Variants in KLF2 observed in about 807,000 individuals in gnomAD.
KLF2 encodes KLF transcription factor 2.
Under a neutral mutation model 22.2 loss-of-function variants are expected in KLF2, and 9 were observed. The observed-to-expected ratio is 0.40, with a 90% CI of 0.24 to 0.71. The LOEUF (loss-of-function observed/expected upper bound fraction) is 0.71, where lower values mean the gene tolerates loss of function less well. Ranked by LOEUF, KLF2 falls within the 30% of genes least tolerant of loss-of-function variation. The probability of loss-of-function intolerance (pLI) is 0.35; values close to 1 mark genes in which losing one functional copy is unlikely to be tolerated. For synonymous variants in KLF2, 299 were observed against 264.2 expected (o/e 1.13, Z -1.28); for missense variants, 481 against 542.1 (o/e 0.89, Z 1.12).
rs1416551505 is a variant in KLF2 at position 16,327,804 on chromosome 19, G to GA, written c.*776dup. 6.6e-6 allele frequency: 1 copy of GA among 151,890 alleles called. No individual in the cohort carries two copies. Among genetic ancestry groups the GA allele is most frequent in the Non-Finnish European group, 1.5e-5 (1 of 68,008 alleles). The allele number at this position is 151,890 out of a possible 1,614,324, so 9.4% of individuals were successfully genotyped here. On this transcript the variant is annotated 3_prime_UTR_variant, in exon 3 of 3. Coordinates refer to ENST00000248071, the MANE Select transcript of KLF2 (RefSeq NM_016270.4). The stretch of plus-strand genomic sequence containing the variant: ...ATTGCCTCTTTGCCCCACAGCTGGG[G>GA]AAAGTGCTGGTCCCACTGACGTGGC...
At position 16,327,005 on chromosome 19, in the gene KLF2, G is replaced by T; in HGVS notation, c.1042G>T (p.Ala348Ser). The change falls in exon 3 of 3, where the codon GCG becomes TCG. Residue 348 changes from alanine to serine, a missense_variant. By Grantham distance (99) the Ala-to-Ser change is moderately conservative. Coordinates refer to ENST00000248071, the MANE Select transcript of KLF2 (RefSeq NM_016270.4). ...DRAFSRSDHL[A>S]LHMKRHM ...TGCCTTCTCGCGCTCCGATCACCTGGCGCTGCACATGAAACGGCACATGTA... is the reference window on the plus strand; with the variant it reads ...TGCCTTCTCGCGCTCCGATCACCTGTCGCTGCACATGAAACGGCACATGTA... 1 of 1,608,898 alleles carries T rather than the reference G, an allele frequency of 6.2e-7. No individual in the cohort carries two copies.
At position 16,324,862 on chromosome 19, in the gene KLF2, C is replaced by G; in HGVS notation, c.-62C>G. On this transcript the variant is annotated 5_prime_UTR_variant, in exon 1 of 3. Transcript: ENST00000248071. Reference sequence around the variant, plus strand: ...CCCGCCCGCCCGCGCCCCGACCAGCCCGGCCTCGGGCAGCCACTCACCGGT... The same window carrying G: ...CCCGCCCGCCCGCGCCCCGACCAGCGCGGCCTCGGGCAGCCACTCACCGGT... 2.8e-6 allele frequency: 4 copies of G among 1,436,984 alleles called. No individual in the cohort carries two copies. The highest frequency in any genetic ancestry group is 3.8e-6 in the Non-Finnish European group (4 of 1,051,794). 89.0% of individuals were successfully genotyped at this position (1,436,984 alleles called of 1,614,324 possible). A position where few individuals can be genotyped will look rare whatever the true frequency, so the allele number is the denominator to read the frequency against.
intron 2 of KLF2, among the ~76,000 whole-genome samples, 179 bp from the exon 3 acceptor site, chr19:16,326,677 G>A (rs781402926): frequency 1.3e-5 from 2 of 152,012 alleles, no homozygotes; most frequent in South Asian, 2.1e-4. Context: ...CCCCCTGGGG[G>A]TGAGGATCCG....
chr19:16,325,528 G>T lies in KLF2; in HGVS notation c.388G>T (p.Gly130Cys). ...LVKAEPPEAD[G>C]GGGYGCAPGL... ...CAAGGCCGAGCCCCCTGAAGCGGAC[G>T]GCGGCGGCGGCTACGGCTGCGCCCC... The change falls in exon 2 of 3, where the codon GGC becomes TGC. Residue 130 changes from glycine to cysteine, a missense_variant. Coordinates refer to ENST00000248071, the MANE Select transcript of KLF2 (RefSeq NM_016270.4). The T allele has an allele frequency of 8.0e-7, 1 of 1,255,424 alleles. No individual in the cohort carries two copies. Among genetic ancestry groups the T allele is most frequent in the South Asian group, 2.5e-5 (1 of 39,372 alleles). 77.8% of individuals were successfully genotyped at this position (1,255,424 alleles called of 1,614,324 possible). A position where few individuals can be genotyped will look rare whatever the true frequency, so the allele number is the denominator to read the frequency against.
At position 16,326,995 on chromosome 19, in the gene KLF2, C is replaced by G. The variant is rs149231822; in HGVS notation, c.1032C>G (p.Ser344=). ...TGTGCGATCGTGCCTTCTCGCGCTC[C>G]GATCACCTGGCGCTGCACATGAAAC... ...CHLCDRAFSR[S]DHLALHMKRH... is the part of the protein sequence containing the mutation. Residue 344 remains serine, a synonymous_variant, in exon 3 of 3, where the codon TCC becomes TCG. Coordinates refer to ENST00000248071, the MANE Select transcript of KLF2 (RefSeq NM_016270.4). The G allele has an allele frequency of 1.2e-6, 2 of 1,611,382 alleles. No individual in the cohort carries two copies.
rs1425441833 is a variant in KLF2 at position 16,327,043 on chromosome 19, C to A, written c.*12C>A. On this transcript the variant is annotated 3_prime_UTR_variant, in exon 3 of 3. Transcript: ENST00000248071. Reference sequence around the variant, plus strand: ...AACGGCACATGTAGCCGGGACGCCCCCGCCCACCTGCGCGCGGCCGTGGCG... The same window carrying A: ...AACGGCACATGTAGCCGGGACGCCCACGCCCACCTGCGCGCGGCCGTGGCG... 3.2e-6 allele frequency: 5 copies of A among 1,562,680 alleles called. No homozygotes were observed. The highest frequency in any genetic ancestry group is 1.4e-5 in the African/African-American group (1 of 73,964).
In KLF2 at chr19:16,325,638, C is replaced by T; in HGVS notation, c.498C>T (p.Arg166=). ...AASCMRGPGG[R]PPPPPDTPPL... is the part of the protein sequence containing the mutation. ...CGTGCATGCGAGGTCCCGGGGGCCG[C>T]CCCCCGCCGCCGCCCGACACACCGC... The change falls in exon 2 of 3, where the codon CGC becomes CGT. Residue 166 remains arginine, a synonymous_variant. Coordinates refer to ENST00000248071, the MANE Select transcript of KLF2 (RefSeq NM_016270.4). The T allele has an allele frequency of 8.4e-6, 9 of 1,069,936 alleles. No individual in the cohort carries two copies. Among genetic ancestry groups the T allele is most frequent in the Non-Finnish European group, 1.0e-5 (9 of 888,692 alleles). The allele number at this position is 1,069,936 out of a possible 1,614,324, so 66.3% of individuals were successfully genotyped here.
At position 16,325,830 on chromosome 19, in the gene KLF2, A is replaced by G; in HGVS notation, c.690A>G (p.Ala230=). 7.3e-7 allele frequency: 1 copy of G among 1,364,028 alleles called. No individual in the cohort carries two copies. The highest frequency in any genetic ancestry group is 9.4e-7 in the Non-Finnish European group (1 of 1,067,536). 84.5% of individuals were successfully genotyped at this position (1,364,028 alleles called of 1,614,324 possible). The change falls in exon 2 of 3, where the codon GCA becomes GCG. Residue 230 remains alanine, a synonymous_variant. Coordinates refer to ENST00000248071, the MANE Select transcript of KLF2 (RefSeq NM_016270.4). ...TCGACGACGCGGCCGCCGCCGCGGC[A>G]GCCCTGGGCCTGGCGCCCCCCGCCG... ...GLFDDAAAAA[A]ALGLAPPAAR...
At position 16,325,391 on chromosome 19, in the gene KLF2, A is replaced by T; in HGVS notation, c.251A>T (p.Tyr84Phe). The T allele has an allele frequency of 7.0e-7, 1 of 1,422,004 alleles. No homozygotes were observed. Among genetic ancestry groups the T allele is most frequent in the East Asian group, 3.0e-5 (1 of 33,844 alleles). The allele number at this position is 1,422,004 out of a possible 1,614,324, so 88.1% of individuals were successfully genotyped here. A position where few individuals can be genotyped will look rare whatever the true frequency, so the allele number is the denominator to read the frequency against. ...YYPEPGAPPP[Y>F]SAPAGGLVSE... ...CCCGAACCCGGCGCGCCCCCGCCCT[A>T]CAGCGCCCCCGCGGGTGGCCTGGTG... The change falls in exon 2 of 3, where the codon TAC becomes TTC. Residue 84 changes from tyrosine (Y) to phenylalanine (F), a missense_variant. This residue lies in a region of KLF2 where 421 missense variants were observed against 435.1 expected (regional missense o/e 0.97). Transcript: ENST00000248071.
rs1194309500 is a variant in KLF2 at position 16,325,333 on chromosome 19, C to T, written c.193C>T (p.Pro65Ser). 6.8e-7 allele frequency: 1 copy of T among 1,473,168 alleles called. No homozygotes were observed. Among genetic ancestry groups the T allele is most frequent in the Non-Finnish European group, 8.9e-7 (1 of 1,119,500 alleles). 91.3% of individuals were successfully genotyped at this position (1,473,168 alleles called of 1,614,324 possible). The change falls in exon 2 of 3, where the codon CCG becomes TCG. Residue 65 changes from proline to serine, a missense_variant. Pro to Ser is a moderately conservative substitution (Grantham distance 74, BLOSUM62 -1). This residue lies in a region of KLF2 where 421 missense variants were observed against 435.1 expected (regional missense o/e 0.97). Coordinates refer to ENST00000248071, the MANE Select transcript of KLF2 (RefSeq NM_016270.4). ...GLGAEAAPEP[P>S]PPPPPPAFYY... ...GGGCGCCGAGGCCGCCCCGGAGCCG[C>T]CGCCGCCGCCCCCGCCGCCTGCGTT...
chr19:16,324,831 G>C lies in KLF2; in HGVS notation c.-93G>C. 9.1e-7 allele frequency: 1 copy of C among 1,096,234 alleles called. No individual in the cohort carries two copies. The highest frequency in any genetic ancestry group is 1.3e-6 in the Non-Finnish European group (1 of 776,560). The allele number at this position is 1,096,234 out of a possible 1,614,324, so 67.9% of individuals were successfully genotyped here. A position where few individuals can be genotyped will look rare whatever the true frequency, so the allele number is the denominator to read the frequency against. ...GGCGGGCCCGGCCGCGGCCCACAGA[G>C]CCGTCCCCGCCCGCCCGCGCCCCGA... On this transcript the variant is annotated 5_prime_UTR_variant, in exon 1 of 3. Transcript: ENST00000248071.
rs1363503907 is a variant in KLF2 at position 16,325,436 on chromosome 19, A to G, written c.296A>G (p.Glu99Gly). Residue 99 changes from glutamate to glycine, a missense_variant, in exon 2 of 3, where the codon GAG becomes GGG. Transcript: ENST00000248071. Reference protein sequence around the residue: ...GGLVSELLRPELDAPLGPALH... With the variant: ...GGLVSELLRPGLDAPLGPALH... ...CTGGTGTCTGAGCTGCTGCGACCCG[A>G]GCTGGATGCGCCGCTGGGGCCCGCA... is the stretch of plus-strand genomic sequence containing the variant. The G allele has an allele frequency of 1.4e-6, 2 of 1,416,980 alleles. No individual in the cohort carries two copies. The highest frequency in any genetic ancestry group is 2.4e-4 in the Middle Eastern group (1 of 4,122). 87.8% of individuals were successfully genotyped at this position (1,416,980 alleles called of 1,614,324 possible). A position where few individuals can be genotyped will look rare whatever the true frequency, so the allele number is the denominator to read the frequency against.
Position 16,325,427 on chromosome 19 carries a change from T to C in KLF2, c.287T>C (p.Leu96Pro). 7.0e-7 allele frequency: 1 copy of C among 1,422,262 alleles called. No homozygotes were observed. Among genetic ancestry groups the C allele is most frequent in the South Asian group, 1.5e-5 (1 of 68,840 alleles). 88.1% of individuals were successfully genotyped at this position (1,422,262 alleles called of 1,614,324 possible). Reference protein sequence around the residue: ...APAGGLVSELLRPELDAPLGP... With the variant: ...APAGGLVSELPRPELDAPLGP... Reference sequence around the variant, plus strand: ...GCGGGTGGCCTGGTGTCTGAGCTGCTGCGACCCGAGCTGGATGCGCCGCTG... The same window carrying C: ...GCGGGTGGCCTGGTGTCTGAGCTGCCGCGACCCGAGCTGGATGCGCCGCTG... The change falls in exon 2 of 3, where the codon CTG (leucine) becomes CCG (proline). Residue 96 changes from leucine (L) to proline (P), a missense_variant. Physicochemically the swap from Leu to Pro is moderately conservative, Grantham distance 98. Coordinates refer to ENST00000248071, the MANE Select transcript of KLF2 (RefSeq NM_016270.4).
chr19:16,326,777 A>C lies in KLF2; in HGVS notation c.893-79A>C, dbSNP rs1033943832. 3 of 1,416,420 alleles carry C rather than the reference A, an allele frequency of 2.1e-6. No homozygotes were observed. In the African/African-American group the frequency reaches 4.2e-5, roughly 20 times the overall value. The allele number at this position is 1,416,420 out of a possible 1,614,324, so 87.7% of individuals were successfully genotyped here. On this transcript the variant is annotated intron_variant, in intron 2 of 2. Transcript: ENST00000248071. ...GCGCGTCAAGGCCCTGGTTAGGGATAGGTTGCGCTCGCCGGGGTAGCCATA... is the reference window on the plus strand; with the variant it reads ...GCGCGTCAAGGCCCTGGTTAGGGATCGGTTGCGCTCGCCGGGGTAGCCATA...
At position 16,325,679 on chromosome 19, in the gene KLF2, GC is replaced by G; in HGVS notation, c.543del (p.Ala182ArgfsTer108). Reference protein sequence around the residue: ...PPDTPPLSPDGPARLPAPGPR... With the variant: ...PPDTPPLSPDXPARLPAPGPR... ...GACACACCGCCGCTCAGCCCCGACG[GC>G]CCCGCGCGCCTGCCCGCGCCCGGTC... On this transcript the variant is annotated frameshift_variant, in exon 2 of 3. Coordinates refer to ENST00000248071, the MANE Select transcript of KLF2 (RefSeq NM_016270.4). LOFTEE classifies it high-confidence loss of function. 1 of 1,097,418 alleles carries G rather than the reference GC, an allele frequency of 9.1e-7. No individual in the cohort carries two copies. Among genetic ancestry groups the G allele is most frequent in the Non-Finnish European group, 1.1e-6 (1 of 906,880 alleles). The allele number at this position is 1,097,418 out of a possible 1,614,324, so 68.0% of individuals were successfully genotyped here.
chr19:16,324,864 G>C lies in KLF2; in HGVS notation c.-60G>C. ...CGCCCGCCCGCGCCCCGACCAGCCC[G>C]GCCTCGGGCAGCCACTCACCGGTGT... On this transcript the variant is annotated 5_prime_UTR_variant, in exon 1 of 3. Coordinates refer to ENST00000248071, the MANE Select transcript of KLF2 (RefSeq NM_016270.4). 7.1e-7 allele frequency: 1 copy of C among 1,407,474 alleles called. No individual in the cohort carries two copies. Among genetic ancestry groups the C allele is most frequent in the Non-Finnish European group, 9.7e-7 (1 of 1,030,634 alleles). 87.2% of individuals were successfully genotyped at this position (1,407,474 alleles called of 1,614,324 possible).
At chr19:16,325,068 T>C (rs2031645632) in intron 1 of KLF2, 70 bp downstream of exon 1, 1 of 1,406,638 alleles carries the variant, frequency 7.1e-7, no homozygotes, top group Non-Finnish European at 9.6e-7. Flanking sequence ...GAACGTGGGC[T>C]GCGGGGTGAC....
Position 16,326,867 on chromosome 19 carries a change from T to A in KLF2, c.904T>A (p.Tyr302Asn). ...CCCCCTCCCTGCAGGTGAGAAGCCC[T>A]ACCACTGCAACTGGGACGGCTGCGG... is the stretch of plus-strand genomic sequence containing the variant. ...HLRTHTGEKP[Y>N]HCNWDGCGWK... Residue 302 changes from tyrosine to asparagine, a missense_variant, in exon 3 of 3, where the codon TAC becomes AAC. Around this residue, in one of 2 missense-constraint regions of KLF2, gnomAD observed 60 missense variants for 107.0 expected, o/e 0.56. Coordinates refer to ENST00000248071, the MANE Select transcript of KLF2 (RefSeq NM_016270.4). 1 of 1,611,510 alleles carries A rather than the reference T, an allele frequency of 6.2e-7. No individual in the cohort carries two copies.
Position 16,325,117 on chromosome 19 carries a change from G to A in KLF2, c.76-99G>A, listed in dbSNP as rs570660621. The stretch of plus-strand genomic sequence containing the variant: ...GGGGACTGCAGACTCAGGAGAGGAG[G>A]ATGCGGGCCACGGGGATCGCGGACT... On this transcript the variant is annotated intron_variant, in intron 1 of 2. Transcript: ENST00000248071. The A allele has an allele frequency of 5.6e-5, 74 of 1,313,308 alleles. 1 individual carries two copies. Among genetic ancestry groups the A allele is most frequent in the Admixed American group, 4.7e-4 (19 of 40,672 alleles). 81.4% of individuals were successfully genotyped at this position (1,313,308 alleles called of 1,614,324 possible). A position where few individuals can be genotyped will look rare whatever the true frequency, so the allele number is the denominator to read the frequency against.
Sources: gnomAD v4.1 joint callset for allele counts (sites outside exome capture counted in the v4.1 genomes callset) on GRCh38, gnomAD v4.1.1 for gene constraint, gnomAD v4.1.1 regional missense constraint, MANE v1.5 for transcripts, NCBI Gene and HGNC (gene_info 2026-07-23, HGNC 2026-07-21) for gene names.